Variants in LINGO2 observed in about 807,000 individuals in gnomAD.
LINGO2 encodes the protein leucine-rich repeat and immunoglobulin-like domain-containing nogo receptor-interacting protein 2.
Under a neutral mutation model 30.6 loss-of-function variants are expected in LINGO2, and 14 were observed. That is an observed-to-expected ratio of 0.46 (90% CI 0.30 to 0.72). The LOEUF (loss-of-function observed/expected upper bound fraction) is 0.72, where lower values mean the gene tolerates loss of function less well. LINGO2 is among the 30% of genes least tolerant of loss of function. The pLI is 0.07. For missense variants in LINGO2, 729 were observed against 751.7 expected (o/e 0.97, Z 0.35); for synonymous variants, 317 against 288.5 (o/e 1.10, Z -1.00).
chr9:28,994,510 A>C, the LINGO2 span, among the ~76,000 whole-genome samples: 148 of 151,482 alleles, frequency 9.8e-4, 2 homozygotes, highest in Non-Finnish European at 9.1e-4. Flanking sequence ...CAGAATTGGA[A>C]AAAACTACTT....
chr9:28,441,251 C>CTTTTTTTT lies in LINGO2; in HGVS notation c.-279+34681_-279+34688dup, dbSNP rs72213590. On this transcript the variant is annotated intron_variant, in intron 2 of 5. Transcript: ENST00000379992. ...TATAGCAGTATAAATTCATTGGAGG[C>CTTTTTTTT]TTTTTTTTTTTTTTTTTTTTTTTTT... 2.3e-3 allele frequency among the ~76,000 whole-genome samples: 84 copies of CTTTTTTTT among 36,284 alleles called. 16 individuals are homozygous for CTTTTTTTT. Among genetic ancestry groups the CTTTTTTTT allele is most frequent in the East Asian group, 6.5e-3 (9 of 1,392 alleles). 23.8% of individuals were successfully genotyped at this position (36,284 alleles called of 152,430 possible).
the LINGO2 span, among the ~76,000 whole-genome samples, chr9:28,908,142 C>T: frequency 1.4e-5 from 1 of 73,740 alleles, no homozygotes; most frequent in Non-Finnish European, 3.0e-5. Context: ...GGAAGCTATA[C>T]ACACACACAC....
At chr9:28,642,079 GTA>G (rs765925189) in intron 1 of LINGO2, among the ~76,000 whole-genome samples, 4 of 150,798 alleles carry the variant, frequency 2.7e-5, no homozygotes, top group Admixed American at 6.6e-5. Context: ...GTGTGTGTGT[GTA>G]TGTGTGTGCA....
chr9:28,061,975 T>G (rs1290152365), intron 4 of LINGO2, among the ~76,000 whole-genome samples: 1 of 152,136 alleles, frequency 6.6e-6, no homozygotes, highest in Non-Finnish European at 1.5e-5. Context: ...TGATGAAATA[T>G]ATGTTTAGTT....
chr9:29,013,132 C>G, the LINGO2 span, among the ~76,000 whole-genome samples: 36 of 152,278 alleles, frequency 2.4e-4, no homozygotes, highest in African/African-American at 8.2e-4. Context: ...TAATCGTTCT[C>G]TTAATACATA....
At chr9:28,054,727 A>C (rs761750623) in intron 4 of LINGO2, among the ~76,000 whole-genome samples, 1 of 152,164 alleles carries the variant, frequency 6.6e-6, no homozygotes, top group Non-Finnish European at 1.5e-5. Context: ...TTAAAAACCC[A>C]ATAGCTTATA....
At chr9:29,030,867 T>C in the LINGO2 span, among the ~76,000 whole-genome samples, 1 of 152,204 alleles carries the variant, frequency 6.6e-6, no homozygotes, top group Admixed American at 6.6e-5. Flanking sequence ...ATTACTGAGA[T>C]TTGCATTTTT....
chr9:28,849,978 C>G, the LINGO2 span, among the ~76,000 whole-genome samples: 3 of 152,046 alleles, frequency 2.0e-5, no homozygotes, highest in African/African-American at 2.4e-5. Flanking sequence ...GAACCTAGCA[C>G]ATTCTTCTAA....
At chr9:28,809,527 C>G in the LINGO2 span, among the ~76,000 whole-genome samples, 1 of 152,120 alleles carries the variant, frequency 6.6e-6, no homozygotes, top group Non-Finnish European at 1.5e-5. Context: ...AGACGGATCA[C>G]GAGGACAGGA....
chr9:28,434,238 A>G lies in LINGO2; in HGVS notation c.-279+41702T>C, dbSNP rs1390540622. On this transcript the variant is annotated intron_variant, in intron 2 of 5. Transcript: ENST00000379992. Reference sequence around the variant, plus strand: ...AGGGTTGTGAGGGATAAAAGACTACAAATTGTGTAGTCAGAAAGAATGACT... The same window carrying G: ...AGGGTTGTGAGGGATAAAAGACTACGAATTGTGTAGTCAGAAAGAATGACT... 3.3e-5 allele frequency among the ~76,000 whole-genome samples: 5 copies of G among 151,570 alleles called. No homozygotes were observed. The East Asian group carries it at 7.7e-4, about 23-fold the overall frequency.
chr9:28,586,214 T>G (rs1824530541), intron 1 of LINGO2, among the ~76,000 whole-genome samples: 1 of 151,992 alleles, frequency 6.6e-6, no homozygotes, highest in Admixed American at 6.6e-5. Context: ...ACATGCTTGT[T>G]ATTTTAGGAA....
intron 1 of LINGO2, among the ~76,000 whole-genome samples, chr9:28,561,854 A>C (rs1823103105): frequency 6.7e-6 from 1 of 150,180 alleles, no homozygotes; most frequent in Non-Finnish European, 1.5e-5. Context: ...TCCTACAGAC[A>C]TACCTTTACA....
chr9:28,367,624 T>TA (rs150339424), intron 3 of LINGO2, among the ~76,000 whole-genome samples: 4,497 of 152,236 alleles, frequency 0.03, 153 homozygotes, highest in African/African-American at 0.085. Context: ...TTCTGGCTCT[T>TA]ACGCTTTTGT....
At chr9:28,990,130 T>A in the LINGO2 span, among the ~76,000 whole-genome samples, 1 of 152,106 alleles carries the variant, frequency 6.6e-6, no homozygotes, top group African/African-American at 2.4e-5. Context: ...GGGAGTTCCC[T>A]TTCCTAGTCA....
chr9:29,084,075 C>T, the LINGO2 span, among the ~76,000 whole-genome samples: 1 of 151,290 alleles, frequency 6.6e-6, no homozygotes. Flanking sequence ...TATACTAAAA[C>T]TGTATAAGTA....
At chr9:28,359,123 C>G (rs1820345553) in intron 3 of LINGO2, among the ~76,000 whole-genome samples, 1 of 152,136 alleles carries the variant, frequency 6.6e-6, no homozygotes, top group South Asian at 2.1e-4. Flanking sequence ...AAAGAATCGA[C>G]TGCAAAGAGG....
At chr9:28,753,260 T>C in the LINGO2 span, among the ~76,000 whole-genome samples, 4 of 152,022 alleles carry the variant, frequency 2.6e-5, no homozygotes, top group Non-Finnish European at 5.9e-5. Flanking sequence ...GCCTAACACC[T>C]CAATGCTTCT....
the LINGO2 span, among the ~76,000 whole-genome samples, chr9:28,793,394 C>T: frequency 1.3e-5 from 2 of 152,176 alleles, no homozygotes; most frequent in South Asian, 2.1e-4. Flanking sequence ...CCATAGTCTG[C>T]GCAATCTGTC....
At chr9:28,175,598 T>C (rs1051228004) in intron 4 of LINGO2, among the ~76,000 whole-genome samples, 3 of 152,204 alleles carry the variant, frequency 2.0e-5, no homozygotes, top group Non-Finnish European at 2.9e-5. Flanking sequence ...TATGCCAATA[T>C]TGGGAACTCT....
Sources: gnomAD v4.1 joint callset for allele counts (sites outside exome capture counted in the v4.1 genomes callset) on GRCh38, gnomAD v4.1.1 for gene constraint, MANE v1.5 for transcripts, NCBI Gene and HGNC (gene_info 2026-07-23, HGNC 2026-07-21) for gene names.